The following CTNNA2 variants were observed in gnomAD, a reference collection of about 807,000 sequenced individuals.
CTNNA2 encodes the protein catenin alpha 2.
CTNNA2 carries 42 observed loss-of-function variants against 101.0 expected under a neutral mutation model. The ratio of observed to expected loss-of-function variants is 0.42; its 90% CI spans 0.32 to 0.54. The LOEUF is 0.54. Ranked by LOEUF, CTNNA2 falls within the 20% of genes least tolerant of loss-of-function variation. CTNNA2 has a pLI of 0.14. For synonymous variants in CTNNA2, 450 were observed against 456.4 expected (o/e 0.99, Z 0.18); for missense variants, 871 against 1,223.1 (o/e 0.71, Z 4.29).
chr2:80,330,865 G>A (rs937990442), intron 7 of CTNNA2, among the ~76,000 whole-genome samples: 1 of 152,166 alleles, frequency 6.6e-6, no homozygotes, highest in Non-Finnish European at 1.5e-5. Context: ...GTGGAAATGA[G>A]ATTTGTTCTC....
At chr2:80,097,569 G>T (rs1177223611) in intron 7 of CTNNA2, among the ~76,000 whole-genome samples, 1 of 152,162 alleles carries the variant, frequency 6.6e-6, no homozygotes, top group African/African-American at 2.4e-5. Context: ...CTAGATTGGA[G>T]AAGTTCTCCT....
chr2:79,244,597 A>G (rs1674674876), intron 2 of CTNNA2, among the ~76,000 whole-genome samples: 4 of 152,202 alleles, frequency 2.6e-5, no homozygotes, highest in African/African-American at 9.6e-5. Context: ...AGGCATGGGC[A>G]TTCACAGGGT....
chr2:80,455,308 G>T, intron 9 of CTNNA2, among the ~76,000 whole-genome samples: 1 of 152,218 alleles, frequency 6.6e-6, no homozygotes. Flanking sequence ...GACATAAAGA[G>T]AAACTGTTAC....
intron 12 of CTNNA2, among the ~76,000 whole-genome samples, chr2:80,563,043 A>C (rs1693747914): frequency 7.3e-6 from 1 of 137,648 alleles, no homozygotes; most frequent in South Asian, 2.3e-4. Flanking sequence ...TTGTCAAAGT[A>C]CAACCAAAAA....
In CTNNA2 at chr2:80,250,551, C is replaced by T. The variant is rs141961751; in HGVS notation, c.1057-142660C>T. On this transcript the variant is annotated intron_variant, in intron 7 of 18. Transcript: ENST00000402739. ...AAAATTAAGAGAAAGGGGCTCCATT[C>T]AATGGAGCAGAGGGTTCCAGGAAGG... Among the ~76,000 whole-genome samples, 18 of 152,092 alleles carry T rather than the reference C, an allele frequency of 1.2e-4. No homozygotes were observed. The East Asian group carries it at 3.5e-3, about 30-fold the overall frequency.
intron 7 of CTNNA2, among the ~76,000 whole-genome samples, chr2:80,264,737 A>G (rs948486702): frequency 2.6e-5 from 4 of 152,206 alleles, no homozygotes; most frequent in African/African-American, 9.6e-5. Context: ...TCATACAAGT[A>G]GAAACTGAGA....
intron 1 of CTNNA2, among the ~76,000 whole-genome samples, chr2:79,586,025 C>G (rs1011728007): frequency 2.0e-5 from 3 of 152,070 alleles, no homozygotes; most frequent in Non-Finnish European, 2.9e-5. Context: ...CATTTGTGAC[C>G]TAAAACTCTG....
At chr2:80,335,977 T>C (rs1386707751) in intron 7 of CTNNA2, among the ~76,000 whole-genome samples, 3 of 152,086 alleles carry the variant, frequency 2.0e-5, no homozygotes, top group Non-Finnish European at 2.9e-5. Flanking sequence ...ATGCTGTGTC[T>C]CCCCTTCTAT....
intron 7 of CTNNA2, among the ~76,000 whole-genome samples, chr2:80,291,114 T>C (rs963451266): frequency 3.9e-5 from 6 of 152,212 alleles, no homozygotes; most frequent in East Asian, 3.9e-4. Flanking sequence ...AATTCCCTAG[T>C]TGCAAACGAG....
intron 14 of CTNNA2, among the ~76,000 whole-genome samples, chr2:80,587,727 G>C (rs59172524): frequency 0.023 from 3,522 of 152,226 alleles, 81 homozygotes; most frequent in South Asian, 0.11. Flanking sequence ...TATTTTACTT[G>C]TTCATTGCAG....
chr2:79,719,530 C>T (rs1018629877), intron 2 of CTNNA2, among the ~76,000 whole-genome samples: 1 of 152,182 alleles, frequency 6.6e-6, no homozygotes, highest in African/African-American at 2.4e-5. Context: ...CATAAGCATT[C>T]TCTTTTATCC....
chr2:79,813,822 C>G (rs142237805), intron 3 of CTNNA2, among the ~76,000 whole-genome samples: 27 of 152,268 alleles, frequency 1.8e-4, no homozygotes, highest in African/African-American at 5.8e-4. Flanking sequence ...GTTTGCATGA[C>G]AATGATATAA....
At chr2:79,529,908 T>A (rs1329313395) in intron 1 of CTNNA2, among the ~76,000 whole-genome samples, 1 of 151,730 alleles carries the variant, frequency 6.6e-6, no homozygotes, top group Non-Finnish European at 1.5e-5. Flanking sequence ...ACCGGGACAT[T>A]CCTTGGTGGA....
chr2:80,099,816 G>GGGTGGAGA (rs1210901604), intron 7 of CTNNA2, among the ~76,000 whole-genome samples: 30 of 152,004 alleles, frequency 2.0e-4, no homozygotes, highest in Non-Finnish European at 4.0e-4. Flanking sequence ...CAGATTCACG[G>GGGTGGAGA]GGTGGAGAGA....
intron 7 of CTNNA2, among the ~76,000 whole-genome samples, chr2:80,082,022 T>C (rs531520106): frequency 2.5e-4 from 38 of 152,244 alleles, no homozygotes; most frequent in African/African-American, 8.7e-4. Flanking sequence ...ATTATATTAA[T>C]ATTGTGGTGT....
intron 7 of CTNNA2, among the ~76,000 whole-genome samples, chr2:80,352,643 G>A (rs917199266): frequency 6.6e-6 from 1 of 152,144 alleles, no homozygotes; most frequent in Non-Finnish European, 1.5e-5. Context: ...GTCCCCAAAA[G>A]ATCCTTTCTT....
rs1031185376 is a variant in CTNNA2, at chr2:79,959,130, C to T, written c.1056+49333C>T. Reference sequence around the variant, plus strand: ...TAGTGTGATCACAGCTCACTGTAGCCCTGCATCCTTAACCTCCTGGGCTCA... The same window carrying T: ...TAGTGTGATCACAGCTCACTGTAGCTCTGCATCCTTAACCTCCTGGGCTCA... On this transcript the variant is annotated intron_variant, in intron 7 of 18. Transcript: ENST00000402739. Among the ~76,000 whole-genome samples the T allele has an allele frequency of 5.3e-5, 8 of 152,036 alleles. No homozygotes were observed. The South Asian group carries it at 1.7e-3, about 32-fold the overall frequency.
At chr2:79,747,484 A>T (rs1671724224) in intron 3 of CTNNA2, among the ~76,000 whole-genome samples, 1 of 152,188 alleles carries the variant, frequency 6.6e-6, no homozygotes. Context: ...TTCATAGTAG[A>T]GAGTGGTTTG....
intron 1 of CTNNA2, among the ~76,000 whole-genome samples, chr2:79,630,554 A>G (rs142243667): frequency 6.6e-6 from 1 of 152,366 alleles, no homozygotes; most frequent in East Asian, 1.9e-4. Context: ...CTTTCAGTAT[A>G]CATAATGTAA....
Sources: gnomAD v4.1 joint callset for allele counts (sites outside exome capture counted in the v4.1 genomes callset) on GRCh38, gnomAD v4.1.1 for gene constraint, MANE v1.5 for transcripts, NCBI Gene and HGNC (gene_info 2026-07-23, HGNC 2026-07-21) for gene names.